The following ELMO2 variants were observed in gnomAD, a reference collection of about 807,000 sequenced individuals.
The protein encoded by ELMO2 is engulfment and cell motility protein 2.
A neutral mutation model predicts 96.2 loss-of-function variants in ELMO2; 37 were observed. That is an observed-to-expected ratio of 0.38 (90% CI 0.30 to 0.51). The LOEUF (loss-of-function observed/expected upper bound fraction) is 0.51, where lower values mean the gene tolerates loss of function less well. Ranked by LOEUF, ELMO2 falls within the 20% of genes least tolerant of loss-of-function variation. The probability of loss-of-function intolerance (pLI) is 0.88; values close to 1 mark genes in which losing one functional copy is unlikely to be tolerated. For missense variants in ELMO2, 561 were observed against 912.6 expected, an observed-to-expected ratio of 0.61 and a Z score of 4.96; for synonymous variants, 315 against 329.4, an observed-to-expected ratio of 0.96 and a Z score of 0.47.
Position 46,388,641 on chromosome 20 carries a change from A to G in ELMO2, c.425+398T>C, listed in dbSNP as rs191239007. On this transcript the variant is annotated intron_variant, in intron 7 of 21. Transcript: ENST00000290246. ...TGTATGGGCTGGGAGGTGACTGAAG[A>G]GGGAGGAGCAGGGGATGATTACAAA... is the stretch of plus-strand genomic sequence containing the variant. Among the ~76,000 whole-genome samples, 47 of 152,024 alleles carry G rather than the reference A, an allele frequency of 3.1e-4. No individual in the cohort carries two copies. The East Asian group carries it at 8.2e-3, about 26-fold the overall frequency.
At chr20:46,384,812 A>T (rs547585350) in intron 9 of ELMO2, among the ~76,000 whole-genome samples, 1 of 151,812 alleles carries the variant, frequency 6.6e-6, no homozygotes, top group Non-Finnish European at 1.5e-5. Flanking sequence ...AAAAAAAAAA[A>T]AAAAACTAGC....
intron 16 of ELMO2, 37 bp downstream of exon 16, chr20:46,373,359 TCTC>T: frequency 6.2e-7 from 1 of 1,610,556 alleles, no homozygotes; most frequent in South Asian, 1.1e-5. Flanking sequence ...CGTGTGATGG[TCTC>T]CTCCCGTGGG....
intron 11 of ELMO2, chr20:46,376,767 A>G (rs2059867367): frequency 7.8e-7 from 1 of 1,289,288 alleles, no homozygotes; most frequent in Non-Finnish European, 1.0e-6. Context: ...CATTTTCCAC[A>G]TGTACCACCA....
chr20:46,375,812 A>G lies in ELMO2; in HGVS notation c.808-22T>C, dbSNP rs770939470. On this transcript the variant is annotated intron_variant, in intron 11 of 21. Transcript: ENST00000290246. The surrounding 1 kb of genome is among the most constrained non-coding windows in gnomAD (Gnocchi z 4.6). ...CATGCTAGAAAAAGCACAGGCAGGG[A>G]GCAGGGGACTGAACTGATCTCTTTT... is the stretch of plus-strand genomic sequence containing the variant. 1.9e-6 allele frequency: 3 copies of G among 1,613,928 alleles called. No individual in the cohort carries two copies. The highest frequency in any genetic ancestry group is 1.7e-6 in the Non-Finnish European group (2 of 1,179,938).
chr20:46,371,051 A>G lies in ELMO2; in HGVS notation c.1801+301T>C, dbSNP rs889892452. On this transcript the variant is annotated intron_variant, in intron 19 of 21. Coordinates refer to ENST00000290246, the MANE Select transcript of ELMO2 (RefSeq NM_133171.5). The surrounding 1 kb of genome is among the most constrained non-coding windows in gnomAD (Gnocchi z 5.9). ...TTAGAATTCAAGTTAATTAGGAGCA[A>G]AGCCAGGATTTGAATGTGGGCAGTC... is the stretch of plus-strand genomic sequence containing the variant. Among the ~76,000 whole-genome samples the G allele has an allele frequency of 1.3e-5, 2 of 152,220 alleles. No individual in the cohort carries two copies. The highest frequency in any genetic ancestry group is 2.9e-5 in the Non-Finnish European group (2 of 68,032).
chr20:46,370,415 A>G (rs749870448), intron 20 of ELMO2, 28 bp downstream of exon 20: 4 of 1,606,004 alleles, frequency 2.5e-6, no homozygotes, highest in Non-Finnish European at 3.4e-6. Flanking sequence ...TCACTGGGCC[A>G]GCTACTCAAA....
chr20:46,377,419 G>A (rs982390784), intron 11 of ELMO2, among the ~76,000 whole-genome samples: 1 of 151,990 alleles, frequency 6.6e-6, no homozygotes, highest in African/African-American at 2.4e-5. Flanking sequence ...TATGTCCACT[G>A]GACGGTCCTG....
chr20:46,367,078 T>A lies in ELMO2; in HGVS notation c.*282A>T, dbSNP rs1453961901. 3 of 307,416 alleles carry A rather than the reference T, an allele frequency of 9.8e-6. No individual in the cohort carries two copies. The highest frequency in any genetic ancestry group is 1.8e-5 in the Non-Finnish European group (3 of 168,724). 19.0% of individuals were successfully genotyped at this position (307,416 alleles called of 1,614,324 possible). A position where few individuals can be genotyped will look rare whatever the true frequency, so the allele number is the denominator to read the frequency against. ...AAATCCATTTCAAGAAGCAGTTTCTTGGACTGGAAGGCAAGGGCATCTGCT... is the reference window on the plus strand; with the variant it reads ...AAATCCATTTCAAGAAGCAGTTTCTAGGACTGGAAGGCAAGGGCATCTGCT... On this transcript the variant is annotated 3_prime_UTR_variant, in exon 22 of 22. Transcript: ENST00000290246.
chr20:46,377,575 C>T (rs1271033892), intron 11 of ELMO2, among the ~76,000 whole-genome samples: 28 of 152,336 alleles, frequency 1.8e-4, no homozygotes, highest in African/African-American at 6.0e-4. Context: ...ATTAGGTCCT[C>T]AGCCACAACA....
rs2059851049 is a variant in ELMO2, at chr20:46,375,886, G to C, written c.808-96C>G. The C allele has an allele frequency of 6.6e-7, 1 of 1,504,922 alleles. No individual in the cohort carries two copies. Among genetic ancestry groups the C allele is most frequent in the African/African-American group, 1.4e-5 (1 of 72,420 alleles). The allele number at this position is 1,504,922 out of a possible 1,614,324, so 93.2% of individuals were successfully genotyped here. On this transcript the variant is annotated intron_variant, in intron 11 of 21. Coordinates refer to ENST00000290246, the MANE Select transcript of ELMO2 (RefSeq NM_133171.5). The surrounding 1 kb of genome is among the most constrained non-coding windows in gnomAD (Gnocchi z 4.6). ...AGGAAAAGGAATGTATGTTGGGAAG[G>C]GAACAGAGCTTTCCTCCCACACACG...
intron 20 of ELMO2, chr20:46,369,953 GGTATGGGGGTGT>G (rs1405911344): frequency 1.8e-4 from 42 of 228,854 alleles, no homozygotes; most frequent in Admixed American, 3.4e-4. Context: ...AGACAAGATG[GGTATGGGGGTGT>G]GTGTGTGTGT....
chr20:46,400,326 A>C (rs1232152490), intron 1 of ELMO2, among the ~76,000 whole-genome samples: 1 of 152,254 alleles, frequency 6.6e-6, no homozygotes, highest in Non-Finnish European at 1.5e-5. Flanking sequence ...TGTTCTCCAG[A>C]TAATATTCCC....
At chr20:46,379,994 T>G (rs2059926980) in intron 11 of ELMO2, 2 of 331,042 alleles carry the variant, frequency 6.0e-6, no homozygotes, top group Non-Finnish European at 1.1e-5. Flanking sequence ...ATTCTGGAGT[T>G]GCAGGGCAAC....
Position 46,375,280 on chromosome 20 carries a change from G to A in ELMO2, c.1021C>T (p.Arg341Cys). The A allele has an allele frequency of 2.5e-6, 4 of 1,614,096 alleles. No individual in the cohort carries two copies. The highest frequency in any genetic ancestry group is 1.3e-5 in the African/African-American group (1 of 75,016). Residue 341 changes from arginine (R) to cysteine (C), a missense_variant, in exon 13 of 22, where the codon CGC becomes TGC. Physicochemically the swap from Arg to Cys is radical, Grantham distance 180. Transcript: ENST00000290246. This position sits in a 1 kb window ranked among gnomAD's most constrained non-coding sequence, Gnocchi z 4.6. ...SNAPGSGTEK[R>C]KAMYTKDYKM... is the part of the protein sequence containing the mutation. ...TAGTCCTTTGTGTACATGGCTTTGC[G>A]TTTTTCGGTCCCACTCCCAGGGGCA...
At chr20:46,391,340 C>G (rs1373962725) in intron 6 of ELMO2, among the ~76,000 whole-genome samples, 1 of 152,136 alleles carries the variant, frequency 6.6e-6, no homozygotes, top group Non-Finnish European at 1.5e-5. Flanking sequence ...CCTCAGTTTC[C>G]TTGCCTACAG....
At chr20:46,368,794 C>A (rs1490361677) in intron 21 of ELMO2, 97 bp downstream of exon 21, 1 of 1,309,838 alleles carries the variant, frequency 7.6e-7, no homozygotes, top group Non-Finnish European at 1.1e-6. Context: ...ACTGCAGCCA[C>A]CCACCACAGG....
intron 4 of ELMO2, 55 bp from the exon 5 acceptor site, chr20:46,393,656 G>T (rs1465397077): frequency 1.3e-6 from 2 of 1,573,166 alleles, no homozygotes; most frequent in Non-Finnish European, 1.7e-6. Flanking sequence ...TTCAGAAGCT[G>T]CTCATAAGTA....
At chr20:46,401,892 A>T (rs1237248987) in intron 1 of ELMO2, among the ~76,000 whole-genome samples, 2 of 152,160 alleles carry the variant, frequency 1.3e-5, no homozygotes, top group Non-Finnish European at 2.9e-5. Context: ...TCTTCTGTAC[A>T]TACCTTCCTG....
chr20:46,385,678 A>G (rs2060028637), intron 9 of ELMO2, among the ~76,000 whole-genome samples: 1 of 152,240 alleles, frequency 6.6e-6, no homozygotes. Flanking sequence ...TTCATTCAAC[A>G]AGCACTAATT....
Sources: gnomAD v4.1 joint callset for allele counts (sites outside exome capture counted in the v4.1 genomes callset) on GRCh38, gnomAD v4.1.1 for gene constraint, Gnocchi (gnomAD v3.1) non-coding constraint, MANE v1.5 for transcripts, NCBI Gene and HGNC (gene_info 2026-07-23, HGNC 2026-07-21) for gene names.